Variants in KAT2B observed in about 807,000 individuals in gnomAD.
KAT2B encodes the protein lysine acetyltransferase 2B, also known as histone acetyltransferase KAT2B.
A neutral mutation model predicts 105.9 loss-of-function variants in KAT2B; 36 were observed. The ratio of observed to expected loss-of-function variants is 0.34; its 90% CI spans 0.26 to 0.45. KAT2B has a LOEUF of 0.45. KAT2B is among the 20% of genes least tolerant of loss of function. KAT2B has a pLI of 1.00. For synonymous variants in KAT2B, 397 were observed against 377.9 expected (o/e 1.05, Z -0.59); for missense variants, 820 against 1,021.6 (o/e 0.80, Z 2.69).
chr3:20,040,826 A>G, intron 1 of KAT2B, 46 bp downstream of exon 1: 1 of 1,527,750 alleles, frequency 6.5e-7, no homozygotes. Context: ...CTAGGGGCCC[A>G]GCCCGCGGGA....
chr3:20,153,958 T>A lies in KAT2B; in HGVS notation c.*1433T>A, dbSNP rs1699909502. The A allele has an allele frequency of 6.6e-6, 1 of 152,522 alleles. No individual in the cohort carries two copies. The highest frequency in any genetic ancestry group is 1.5e-5 in the Non-Finnish European group (1 of 68,014). 9.4% of individuals were successfully genotyped at this position (152,522 alleles called of 1,614,324 possible). On this transcript the variant is annotated 3_prime_UTR_variant, in exon 18 of 18. Coordinates refer to ENST00000263754, the MANE Select transcript of KAT2B (RefSeq NM_003884.5). ...ATTGAGTTGGAAGTATTGTTTTTGATATGTAAGAGATATTCAGAATGCTCA... is the reference window on the plus strand; with the variant it reads ...ATTGAGTTGGAAGTATTGTTTTTGAAATGTAAGAGATATTCAGAATGCTCA...
chr3:20,114,054 C>T (rs1193933438), intron 6 of KAT2B, among the ~76,000 whole-genome samples: 1 of 151,248 alleles, frequency 6.6e-6, no homozygotes, highest in Non-Finnish European at 1.5e-5. Flanking sequence ...CTCAGAGGGA[C>T]TTAGGTATCT....
intron 5 of KAT2B, among the ~76,000 whole-genome samples, chr3:20,107,014 TA>T (rs1559316252): frequency 3.0e-5 from 1 of 33,006 alleles, no homozygotes; most frequent in Non-Finnish European, 5.0e-5. Context: ...TATATATATA[TA>T]TTTTTTTTTT....
rs770018553 is a variant in KAT2B, at chr3:20,147,914, C to T, written c.2120-49C>T. 20 of 1,577,174 alleles carry T rather than the reference C, an allele frequency of 1.3e-5. No individual in the cohort carries two copies. The South Asian group carries it at 1.8e-4, about 14-fold the overall frequency. On this transcript the variant is annotated intron_variant, in intron 14 of 17. Coordinates refer to ENST00000263754, the MANE Select transcript of KAT2B (RefSeq NM_003884.5). ...TGATAAGTATTAACTATGTTATTCT[C>T]TTGACCAAAAGCACTTCTCATTCAG...
chr3:20,123,680 T>G lies in KAT2B; in HGVS notation c.1413+876T>G, dbSNP rs150946412. ...GATCAGTTAGGGATTGTGCATTGCATTTAATTCTTATCTCTTCATTTGTTT... is the reference window on the plus strand; with the variant it reads ...GATCAGTTAGGGATTGTGCATTGCAGTTAATTCTTATCTCTTCATTTGTTT... On this transcript the variant is annotated intron_variant, in intron 9 of 17. Coordinates refer to ENST00000263754, the MANE Select transcript of KAT2B (RefSeq NM_003884.5). Among the ~76,000 whole-genome samples the G allele has an allele frequency of 1.8e-3, 274 of 152,328 alleles. 4 individuals carry two copies. Among genetic ancestry groups the G allele is most frequent in the African/African-American group, 6.4e-3 (266 of 41,570 alleles).
intron 6 of KAT2B, among the ~76,000 whole-genome samples, chr3:20,112,600 G>T (rs1699141494): frequency 6.6e-6 from 1 of 152,176 alleles, no homozygotes; most frequent in African/African-American, 2.4e-5. Context: ...GAATGAGACA[G>T]TTCATTCTGT....
At chr3:20,041,844 A>G (rs896622025) in intron 1 of KAT2B, among the ~76,000 whole-genome samples, 1 of 152,208 alleles carries the variant, frequency 6.6e-6, no homozygotes, top group Non-Finnish European at 1.5e-5. Context: ...TGCAGTGACC[A>G]CTTCTGAATT....
In KAT2B at chr3:20,048,700, G is replaced by A. The variant is rs13098901; in HGVS notation, c.303+7920G>A. ...TTAGTCTGTCGTTAAGAGAAAAGTG[G>A]CTATTTAGGAAAAATTGTCAACAGT... On this transcript the variant is annotated intron_variant, in intron 1 of 17. Transcript: ENST00000263754. Among the ~76,000 whole-genome samples the A allele has an allele frequency of 8.5e-3, 1,297 of 152,264 alleles. 3 individuals carry two copies. The highest frequency in any genetic ancestry group is 0.014 in the Non-Finnish European group (959 of 68,008).
intron 5 of KAT2B, among the ~76,000 whole-genome samples, chr3:20,109,635 T>C (rs1030056335): frequency 6.6e-6 from 1 of 152,146 alleles, no homozygotes; most frequent in Non-Finnish European, 1.5e-5. Context: ...CCCATTCTTT[T>C]AACTTAATTA....
At chr3:20,118,443 G>A (rs1259639230) in intron 7 of KAT2B, among the ~76,000 whole-genome samples, 11 of 150,056 alleles carry the variant, frequency 7.3e-5, no homozygotes, top group African/African-American at 2.7e-4. Context: ...TAGGCCAGGC[G>A]TGGTGGCTGA....
At chr3:20,147,895 G>A in intron 14 of KAT2B, 68 bp from the exon 15 acceptor site, 2 of 1,453,020 alleles carry the variant, frequency 1.4e-6, no homozygotes, top group Non-Finnish European at 1.9e-6. Context: ...TTTTTGATAA[G>A]TATTAACTAT....
intron 3 of KAT2B, among the ~76,000 whole-genome samples, chr3:20,098,413 G>A (rs940901901): frequency 6.6e-6 from 1 of 152,124 alleles, no homozygotes; most frequent in Admixed American, 6.6e-5. Flanking sequence ...TGCCTTGTTA[G>A]TAGTAGCACC....
chr3:20,091,530 C>T (rs967991124), intron 2 of KAT2B, among the ~76,000 whole-genome samples: 1 of 151,900 alleles, frequency 6.6e-6, no homozygotes, highest in African/African-American at 2.4e-5. Context: ...TTTCTACTAA[C>T]TTTGGACTTT....
chr3:20,153,392 C>CA lies in KAT2B; in HGVS notation c.*869dup, dbSNP rs1699900477. 6.6e-6 allele frequency: 1 copy of CA among 152,256 alleles called. No individual in the cohort carries two copies. Among genetic ancestry groups the CA allele is most frequent in the Non-Finnish European group, 1.5e-5 (1 of 67,980 alleles). The allele number at this position is 152,256 out of a possible 1,614,324, so 9.4% of individuals were successfully genotyped here. On this transcript the variant is annotated 3_prime_UTR_variant, in exon 18 of 18. Coordinates refer to ENST00000263754, the MANE Select transcript of KAT2B (RefSeq NM_003884.5). ...AAAGATGTATGGTCTATATATGTAT[C>CA]AATCTGGTGAATCCTCGTTCTAATA...
rs941029858 is a variant in KAT2B at position 20,135,393 on chromosome 3, G to A, written c.1750-1549G>A. Among the ~76,000 whole-genome samples the A allele has an allele frequency of 2.0e-5, 3 of 152,124 alleles. No individual in the cohort carries two copies. The East Asian group carries it at 5.8e-4, about 29-fold the overall frequency. On this transcript the variant is annotated intron_variant, in intron 11 of 17. Coordinates refer to ENST00000263754, the MANE Select transcript of KAT2B (RefSeq NM_003884.5). ...TTAGTGGCCGGGCGCGGTGGCTCAC[G>A]CCTGTAATCCCAGCACTTTGGGAGG...
Position 20,040,510 on chromosome 3 carries a change from C to G in KAT2B, c.33C>G (p.Gly11=), listed in dbSNP as rs2125158824. The stretch of plus-strand genomic sequence containing the variant: ...AGGCTGGCGGGGCCGGGCCGGGCGG[C>G]TGCGGGGCAGGAGCCGGGGCAGGGG... The part of the protein sequence containing the change: MSEAGGAGPG[G]CGAGAGAGAG... The change falls in exon 1 of 18, where the codon GGC becomes GGG. Residue 11 remains glycine, a synonymous_variant. Coordinates refer to ENST00000263754, the MANE Select transcript of KAT2B (RefSeq NM_003884.5). 1 of 1,028,272 alleles carries G rather than the reference C, an allele frequency of 9.7e-7. No homozygotes were observed. Among genetic ancestry groups the G allele is most frequent in the Non-Finnish European group, 1.2e-6 (1 of 858,504 alleles). The allele number at this position is 1,028,272 out of a possible 1,614,324, so 63.7% of individuals were successfully genotyped here.
chr3:20,124,038 A>G (rs1360810605), intron 9 of KAT2B, among the ~76,000 whole-genome samples: 1 of 152,196 alleles, frequency 6.6e-6, no homozygotes. Context: ...TTATTTTATG[A>G]CATTGAGGAT....
At chr3:20,092,688 T>A (rs1698743970) in intron 2 of KAT2B, among the ~76,000 whole-genome samples, 1 of 151,950 alleles carries the variant, frequency 6.6e-6, no homozygotes, top group Non-Finnish European at 1.5e-5. Context: ...CTTTTTGGTC[T>A]CTGTATCGTT....
chr3:20,067,676 TA>T (rs1425551148), intron 1 of KAT2B, among the ~76,000 whole-genome samples: 1 of 152,148 alleles, frequency 6.6e-6, no homozygotes, highest in East Asian at 1.9e-4. Flanking sequence ...TATTTTTTTA[TA>T]TTTTTTTAAA....
Sources: gnomAD v4.1 joint callset for allele counts (sites outside exome capture counted in the v4.1 genomes callset) on GRCh38, gnomAD v4.1.1 for gene constraint, MANE v1.5 for transcripts, NCBI Gene and HGNC (gene_info 2026-07-23, HGNC 2026-07-21) for gene names.